AMPH: variants seen among roughly 807,000 people sequenced by gnomAD.
AMPH encodes the protein amphiphysin (Stiff-Mann syndrome with breast cancer 128kD autoantigen).
A neutral mutation model predicts 99.1 loss-of-function variants in AMPH; 49 were observed. The ratio of observed to expected loss-of-function variants is 0.49; its 90% CI spans 0.39 to 0.63. AMPH has a LOEUF of 0.63. Ranked by LOEUF, AMPH falls within the 20% of genes least tolerant of loss-of-function variation. The probability of loss-of-function intolerance (pLI) is 0.00; values close to 1 mark genes in which losing one functional copy is unlikely to be tolerated. For synonymous variants in AMPH, 314 were observed against 317.3 expected, an observed-to-expected ratio of 0.99 and a Z score of 0.11; for missense variants, 759 against 863.4, an observed-to-expected ratio of 0.88 and a Z score of 1.52.
At chr7:38,473,748 G>A (rs1443221074) in intron 7 of AMPH, among the ~76,000 whole-genome samples, 424 of 64,656 alleles carry the variant, frequency 6.6e-3, no homozygotes, top group Non-Finnish European at 0.012. Context: ...AAAAAAAAAA[G>A]TATTCCATGA....
intron 1 of AMPH, among the ~76,000 whole-genome samples, chr7:38,629,221 C>T (rs1208470622): frequency 6.6e-6 from 1 of 152,202 alleles, no homozygotes; most frequent in African/African-American, 2.4e-5. Flanking sequence ...TGGATGCCAA[C>T]ATGCCCTTTT....
chr7:38,555,832 A>G (rs1203687102), intron 1 of AMPH, among the ~76,000 whole-genome samples: 1 of 152,218 alleles, frequency 6.6e-6, no homozygotes, highest in African/African-American at 2.4e-5. Context: ...ATAAGCATAT[A>G]TACTTTAGAT....
At chr7:38,554,728 A>G (rs1791305071) in intron 1 of AMPH, among the ~76,000 whole-genome samples, 2 of 152,244 alleles carry the variant, frequency 1.3e-5, no homozygotes, top group Non-Finnish European at 2.9e-5. Context: ...GCTAGCAGAA[A>G]GTCAGGAATT....
chr7:38,565,883 T>C (rs1306419216), intron 1 of AMPH, among the ~76,000 whole-genome samples: 1 of 152,108 alleles, frequency 6.6e-6, no homozygotes, highest in African/African-American at 2.4e-5. Flanking sequence ...ACAGTTCCAT[T>C]TAAAAGAGAA....
At chr7:38,555,847 GAA>G (rs1791344201) in intron 1 of AMPH, among the ~76,000 whole-genome samples, 1 of 151,860 alleles carries the variant, frequency 6.6e-6, no homozygotes. Flanking sequence ...TTAGATATTA[GAA>G]AAAAAATTTA....
intron 1 of AMPH, among the ~76,000 whole-genome samples, chr7:38,557,075 T>C (rs75446934): frequency 0.015 from 2,223 of 152,232 alleles, 54 homozygotes; most frequent in African/African-American, 0.051. Context: ...GGGGATGATA[T>C]GGTCCAGGAC....
intron 1 of AMPH, among the ~76,000 whole-genome samples, chr7:38,593,249 C>A (rs936590830): frequency 2.6e-5 from 4 of 152,168 alleles, no homozygotes; most frequent in African/African-American, 9.7e-5. Flanking sequence ...AAAGGATCTA[C>A]TTCACTCTAG....
chr7:38,439,049 T>G (rs1434038797), intron 11 of AMPH, among the ~76,000 whole-genome samples: 1 of 152,168 alleles, frequency 6.6e-6, no homozygotes, highest in Non-Finnish European at 1.5e-5. Flanking sequence ...CTCACAATAG[T>G]GAATGAGTTC....
At chr7:38,536,606 A>T (rs1257719784) in intron 1 of AMPH, among the ~76,000 whole-genome samples, 1 of 152,236 alleles carries the variant, frequency 6.6e-6, no homozygotes, top group Non-Finnish European at 1.5e-5. Context: ...AATTGTAAAC[A>T]GATTCACACA....
intron 14 of AMPH, 56 bp downstream of exon 14, chr7:38,429,786 T>C: frequency 1.3e-6 from 2 of 1,507,748 alleles, no homozygotes; most frequent in Non-Finnish European, 1.8e-6. Context: ...ATATACTATG[T>C]ATGTAATGCA....
At chr7:38,456,628 A>G (rs1303119689) in intron 11 of AMPH, among the ~76,000 whole-genome samples, 1 of 152,132 alleles carries the variant, frequency 6.6e-6, no homozygotes. Flanking sequence ...AGCTATCACC[A>G]ACACCAGAGT....
At chr7:38,428,409 C>T (rs751487154) in intron 14 of AMPH, 1 of 456,630 alleles carries the variant, frequency 2.2e-6, no homozygotes, top group South Asian at 1.5e-5. Context: ...TGCATCTCTT[C>T]CCAGAGAATA....
At chr7:38,430,971 C>A (rs933110989) in intron 13 of AMPH, among the ~76,000 whole-genome samples, 2 of 152,168 alleles carry the variant, frequency 1.3e-5, no homozygotes, top group African/African-American at 4.8e-5. Context: ...ATCGAACTTT[C>A]CTTTTTCTGC....
chr7:38,539,607 T>G (rs1405394345), intron 1 of AMPH, among the ~76,000 whole-genome samples: 1 of 152,104 alleles, frequency 6.6e-6, no homozygotes, highest in East Asian at 1.9e-4. Flanking sequence ...TTGGAAGGAA[T>G]GCACACACAG....
chr7:38,453,912 C>A (rs1191502185), intron 11 of AMPH, among the ~76,000 whole-genome samples: 1 of 152,202 alleles, frequency 6.6e-6, no homozygotes, highest in East Asian at 1.9e-4. Flanking sequence ...TGGGCAGTAG[C>A]AAATGCAAAG....
intron 11 of AMPH, among the ~76,000 whole-genome samples, chr7:38,447,483 T>C (rs968912172): frequency 6.6e-6 from 1 of 152,214 alleles, no homozygotes; most frequent in Non-Finnish European, 1.5e-5. Context: ...GGGCATCATT[T>C]TTATAAGCAT....
At chr7:38,387,503 C>A (rs1368867875) in intron 20 of AMPH, among the ~76,000 whole-genome samples, 2 of 152,084 alleles carry the variant, frequency 1.3e-5, no homozygotes, top group Non-Finnish European at 2.9e-5. Flanking sequence ...GAAAAAGTCA[C>A]TGGATAAATT....
intron 7 of AMPH, 71 bp downstream of exon 7, chr7:38,475,260 A>C: frequency 1.0e-6 from 1 of 974,840 alleles, no homozygotes; most frequent in Non-Finnish European, 1.6e-6. Flanking sequence ...TAATAAAGAC[A>C]AGATAAGGGA....
In AMPH at chr7:38,556,287, G is replaced by A. The variant is rs145686393; in HGVS notation, c.70-21276C>T. Among the ~76,000 whole-genome samples the A allele has an allele frequency of 2.6e-3, 394 of 152,188 alleles. 4 individuals carry two copies. Among genetic ancestry groups the A allele is most frequent in the Middle Eastern group, 0.014 (4 of 294 alleles). On this transcript the variant is annotated intron_variant, in intron 1 of 20. Transcript: ENST00000356264. Reference sequence around the variant, plus strand: ...GGTTCCCCTAAAGAAAATACTAGCCGAAGCACTGATGTGAGCATTGCATAA... The same window carrying A: ...GGTTCCCCTAAAGAAAATACTAGCCAAAGCACTGATGTGAGCATTGCATAA...
Sources: allele counts gnomAD v4.1 joint callset (sites outside exome capture counted in the v4.1 genomes callset), GRCh38; gene constraint gnomAD v4.1.1; transcripts MANE v1.5; gene names NCBI Gene and HGNC (gene_info 2026-07-23, HGNC 2026-07-21).